CFI: variants seen among roughly 807,000 people sequenced by gnomAD.
CFI encodes the protein complement factor I.
In CFI, 66 loss-of-function variants were observed where a neutral mutation model predicts 78.8. That is an observed-to-expected ratio of 0.84 (90% confidence interval 0.69 to 1.03). CFI has a LOEUF of 1.03. Among genes scored for constraint, CFI ranks in the 50% least tolerant of loss-of-function variants. The pLI, the probability that CFI is intolerant of heterozygous loss-of-function variation, is 0.00. For missense variants in CFI, 706 were observed against 704.5 expected, an observed-to-expected ratio of 1.00 and a Z score of -0.02; for synonymous variants, 250 against 232.6, an observed-to-expected ratio of 1.07 and a Z score of -0.68.
intron 6 of CFI, 188 bp downstream of exon 6, chr4:109,760,082 T>C (rs1205847043): frequency 5.7e-6 from 4 of 697,196 alleles, no homozygotes; most frequent in Non-Finnish European, 1.0e-5. Flanking sequence ...AGTTCTGAAA[T>C]AACAAGTAGA....
intron 1 of CFI, among the ~76,000 whole-genome samples, chr4:109,801,627 A>G (rs1167727621): frequency 6.6e-6 from 1 of 152,182 alleles, no homozygotes; most frequent in African/African-American, 2.4e-5. Flanking sequence ...GAGCCTGGTA[A>G]ATATTTTTGA....
chr4:109,731,789 C>T, the CFI span, among the ~76,000 whole-genome samples: 1 of 152,138 alleles, frequency 6.6e-6, no homozygotes, highest in African/African-American at 2.4e-5. Context: ...ATAAAAGAGT[C>T]GAGGTGAGAA....
intron 1 of CFI, among the ~76,000 whole-genome samples, chr4:109,780,259 C>A (rs180697226): frequency 1.2e-4 from 19 of 152,148 alleles, no homozygotes; most frequent in African/African-American, 4.6e-4. Context: ...TGACGACAGG[C>A]TAATATCTGG....
the CFI span, among the ~76,000 whole-genome samples, chr4:109,732,233 G>C: frequency 6.6e-6 from 1 of 152,072 alleles, no homozygotes; most frequent in East Asian, 1.9e-4. Flanking sequence ...TTCTTTGTCT[G>C]ATCTCTCCTT....
Position 109,766,568 on chromosome 4 carries a change from G to A in CFI, c.314C>T (p.Thr105Ile). The change falls in exon 2 of 13, where the codon ACA becomes ATA. Residue 105 changes from threonine (T) to isoleucine (I), a missense_variant. Physicochemically the swap from Thr to Ile is moderately conservative, Grantham distance 89. Transcript: ENST00000394634. ...TCTCTTGCTACCTTCGGCTGTGCAT[G>A]TTCCGTTATTTAAAAACTTTGTCCC... ...HPGTKFLNNG[T>I]CTAEGKFSVS... 6.2e-7 allele frequency: 1 copy of A among 1,614,212 alleles called. No homozygotes were observed. The highest frequency in any genetic ancestry group is 1.1e-5 in the South Asian group (1 of 91,088).
Position 109,778,015 on chromosome 4 carries a change from C to G in CFI, c.58-11191G>C, listed in dbSNP as rs571410436. Among the ~76,000 whole-genome samples the G allele has an allele frequency of 6.6e-5, 10 of 150,784 alleles. No individual in the cohort carries two copies. The South Asian group carries it at 2.1e-3, about 32-fold the overall frequency. ...GAGCGAAATTTATAGCACTAAATGC[C>G]CACAAGAGAAAGCAGGAAAGATCTA... On this transcript the variant is annotated intron_variant, in intron 1 of 12. Coordinates refer to ENST00000394634, the MANE Select transcript of CFI (RefSeq NM_000204.5).
At chr4:109,756,958 AAAGAAAG>A (rs1257424338) in intron 7 of CFI, among the ~76,000 whole-genome samples, 1 of 142,358 alleles carries the variant, frequency 7.0e-6, no homozygotes, top group Non-Finnish European at 1.6e-5. Flanking sequence ...AGAAAGAAAG[AAAGAAAG>A]AAAGAAAGAA....
chr4:109,757,634 T>G, intron 7 of CFI, 129 bp downstream of exon 7: 1 of 636,154 alleles, frequency 1.6e-6, no homozygotes, highest in Non-Finnish European at 2.8e-6. Flanking sequence ...TAAACTAATG[T>G]TCAGGCTGGG....
In CFI at chr4:109,766,709, G is replaced by T; in HGVS notation, c.173C>A (p.Thr58Asn). The T allele has an allele frequency of 1.9e-6, 3 of 1,614,168 alleles. No homozygotes were observed. In the South Asian group the frequency reaches 3.3e-5, roughly 18 times the overall value. Residue 58 changes from threonine to asparagine, a missense_variant, in exon 2 of 13, where the codon ACC becomes AAC. Transcript: ENST00000394634. ...CQPWQRCIEG[T>N]CVCKLPYQCP... ...CTGATACGGTAGTTTACAAACACAG[G>T]TGCCCTCAATGCATCTCTGCCATGG...
downstream of CFI, among the ~76,000 whole-genome samples, chr4:109,736,250 A>G (rs1723363765): frequency 6.6e-6 from 1 of 152,188 alleles, no homozygotes; most frequent in South Asian, 2.1e-4. Context: ...CTTCTTAGAT[A>G]GTGTTTATCA....
intron 6 of CFI, chr4:109,758,066 G>T: frequency 1.2e-6 from 1 of 804,048 alleles, no homozygotes; most frequent in Non-Finnish European, 1.8e-6. Context: ...ATAGTTAGAA[G>T]CATTACTAAA....
chr4:109,736,076 C>A (rs2126174060), downstream of CFI, among the ~76,000 whole-genome samples: 1 of 152,212 alleles, frequency 6.6e-6, no homozygotes, highest in South Asian at 2.1e-4. Context: ...CAGTTTATGA[C>A]CTTCACTCCA....
At chr4:109,775,703 T>C (rs965881207) in intron 1 of CFI, among the ~76,000 whole-genome samples, 1 of 152,126 alleles carries the variant, frequency 6.6e-6, no homozygotes, top group Non-Finnish European at 1.5e-5. Flanking sequence ...CTGCCTCAAG[T>C]GGGTTCATGA....
chr4:109,771,400 TAAAA>T (rs397831103), intron 1 of CFI, among the ~76,000 whole-genome samples: 166 of 101,330 alleles, frequency 1.6e-3, no homozygotes, highest in Non-Finnish European at 2.3e-3. Flanking sequence ...CTACTAAAAA[TAAAA>T]AAAAAAATCA....
chr4:109,761,546 G>A lies in CFI; in HGVS notation c.629C>T (p.Ala210Val). The change falls in exon 4 of 13, where the codon GCT becomes GTT. Residue 210 changes from alanine (A) to valine (V), a missense_variant. Physicochemically the swap from Ala to Val is moderately conservative, Grantham distance 64. Transcript: ENST00000394634. Reference protein sequence around the residue: ...KRRTMGYQDFADVVCYTQKAD... With the variant: ...KRRTMGYQDFVDVVCYTQKAD... ...TTTCTGTGTATAACAAACCACATCA[G>A]CGAAATCCTGGTAACCCATAGTTCT... 1 of 1,614,102 alleles carries A rather than the reference G, an allele frequency of 6.2e-7. No homozygotes were observed. The highest frequency in any genetic ancestry group is 8.5e-7 in the Non-Finnish European group (1 of 1,180,004).
intron 1 of CFI, among the ~76,000 whole-genome samples, chr4:109,787,303 A>G (rs1168763960): frequency 6.6e-6 from 1 of 152,132 alleles, no homozygotes; most frequent in Non-Finnish European, 1.5e-5. Context: ...GTTAACAACC[A>G]CATCAGAAAC....
At position 109,764,705 on chromosome 4, in the gene CFI, C is replaced by A; in HGVS notation, c.329-15G>T. On this transcript the variant is annotated splice_polypyrimidine_tract_variant and intron_variant, in intron 2 of 12. Transcript: ENST00000394634. ...ACTAAACTTTCCTAAAATAAAAAAA[C>A]AAAATAATGTGCAATATGTAGCCAT... 3 of 1,609,088 alleles carry A rather than the reference C, an allele frequency of 1.9e-6. No homozygotes were observed. Among genetic ancestry groups the A allele is most frequent in the South Asian group, 2.2e-5 (2 of 90,934 alleles).
chr4:109,767,151 C>A (rs904624615), intron 1 of CFI, among the ~76,000 whole-genome samples: 1 of 152,082 alleles, frequency 6.6e-6, no homozygotes, highest in Non-Finnish European at 1.5e-5. Context: ...TAAAGACTTA[C>A]ATGTTAGACC....
Position 109,801,987 on chromosome 4 carries a change from G to A in CFI, c.-16C>T. Reference sequence around the variant, plus strand: ...GAAGCTTCATGTTGGAGGTGTTCGGGGTCTTTGTCTCTGCTGAGAACTCTT... The same window carrying A: ...GAAGCTTCATGTTGGAGGTGTTCGGAGTCTTTGTCTCTGCTGAGAACTCTT... On this transcript the variant is annotated 5_prime_UTR_variant, in exon 1 of 13. Coordinates refer to ENST00000394634, the MANE Select transcript of CFI (RefSeq NM_000204.5). The A allele has an allele frequency of 6.2e-7, 1 of 1,602,952 alleles. No individual in the cohort carries two copies. Among genetic ancestry groups the A allele is most frequent in the Non-Finnish European group, 8.5e-7 (1 of 1,170,318 alleles).
Sources: allele counts gnomAD v4.1 joint callset (sites outside exome capture counted in the v4.1 genomes callset), GRCh38; gene constraint gnomAD v4.1.1; transcripts MANE v1.5; gene names NCBI Gene and HGNC (gene_info 2026-07-23, HGNC 2026-07-21).